Variants in ABL2 observed in about 807,000 individuals in gnomAD.
ABL2 encodes tyrosine-protein kinase ABL2.
A neutral mutation model predicts 107.7 loss-of-function variants in ABL2; 49 were observed. The observed-to-expected ratio is 0.45, with a 90% CI of 0.36 to 0.58. The LOEUF (loss-of-function observed/expected upper bound fraction) is 0.58, where lower values mean the gene tolerates loss of function less well. Ranked by LOEUF, ABL2 falls within the 20% of genes least tolerant of loss-of-function variation. The probability of loss-of-function intolerance (pLI) is 0.00; values close to 1 mark genes in which losing one functional copy is unlikely to be tolerated. For synonymous variants in ABL2, 549 were observed against 548.6 expected (o/e 1.00, Z -0.01); for missense variants, 1,245 against 1,457.0 (o/e 0.85, Z 2.37).
intron 1 of ABL2, among the ~76,000 whole-genome samples, chr1:179,187,738 A>T (rs1227358794): frequency 5.9e-5 from 9 of 152,194 alleles, no homozygotes; most frequent in Non-Finnish European, 1.3e-4. Flanking sequence ...CTAGGGAAGA[A>T]ATAATACTAA....
chr1:179,107,246 T>G lies in ABL2; in HGVS notation c.*472A>C, dbSNP rs1026887119. On this transcript the variant is annotated 3_prime_UTR_variant, in exon 12 of 12. Transcript: ENST00000502732. ...GGCTAACAGCTACTTCCAACAGCCCTGAACAAAAATTTCTCTTGGTACATT... is the reference window on the plus strand; with the variant it reads ...GGCTAACAGCTACTTCCAACAGCCCGGAACAAAAATTTCTCTTGGTACATT... 2.1e-5 allele frequency: 5 copies of G among 235,884 alleles called. No homozygotes were observed. Among genetic ancestry groups the G allele is most frequent in the African/African-American group, 1.1e-4 (5 of 45,410 alleles). The allele number at this position is 235,884 out of a possible 1,614,324, so 14.6% of individuals were successfully genotyped here. A position where few individuals can be genotyped will look rare whatever the true frequency, so the allele number is the denominator to read the frequency against.
intron 3 of ABL2, 48 bp downstream of exon 3, chr1:179,131,263 T>A (rs772890387): frequency 3.8e-6 from 6 of 1,585,830 alleles, no homozygotes; most frequent in South Asian, 1.1e-5. Flanking sequence ...TATCTCTTAA[T>A]CATTAATGAA....
chr1:179,110,606 G>A, intron 10 of ABL2, 151 bp from the exon 11 acceptor site: 1 of 1,500,698 alleles, frequency 6.7e-7, no homozygotes, highest in Non-Finnish European at 8.9e-7. Context: ...TCTTTTGTCT[G>A]GCTTCTTTCG....
intron 6 of ABL2, among the ~76,000 whole-genome samples, chr1:179,119,120 CA>C (rs1654933014): frequency 6.6e-6 from 1 of 152,190 alleles, no homozygotes; most frequent in Admixed American, 6.5e-5. Context: ...AATACTTATT[CA>C]AAAGTAATAG....
chr1:179,135,181 C>T (rs1656753572), intron 1 of ABL2, among the ~76,000 whole-genome samples: 1 of 152,196 alleles, frequency 6.6e-6, no homozygotes, highest in South Asian at 2.1e-4. Flanking sequence ...GCATCTCCGC[C>T]TGGCCGCCCA....
rs375589043 is a variant in ABL2, at chr1:179,108,656, T to C, written c.2611A>G (p.Ile871Val). The C allele has an allele frequency of 3.2e-5, 51 of 1,614,084 alleles. No individual in the cohort carries two copies. Among genetic ancestry groups the C allele is most frequent in the African/African-American group, 5.3e-5 (4 of 74,930 alleles). ...ACCCCTGGAGGGTCCTTCTCTGTAA[T>C]GGCTAGATCCCCAGAGGGTGTTCTG... Reference protein sequence around the residue: ...PLRTPSGDLAITEKDPPGVGV... With the variant: ...PLRTPSGDLAVTEKDPPGVGV... The change falls in exon 12 of 12, where the codon ATT becomes GTT. Residue 871 changes from isoleucine to valine, a missense_variant. Coordinates refer to ENST00000502732, the MANE Select transcript of ABL2 (RefSeq NM_007314.4).
At chr1:179,180,540 A>G (rs909821547) in intron 1 of ABL2, among the ~76,000 whole-genome samples, 15 of 152,306 alleles carry the variant, frequency 9.8e-5, no homozygotes, top group African/African-American at 3.6e-4. Context: ...CTAGTGGAAT[A>G]AAAAGGTCCA....
chr1:179,171,731 C>A (rs1370525133), intron 1 of ABL2, among the ~76,000 whole-genome samples: 1 of 152,156 alleles, frequency 6.6e-6, no homozygotes, highest in South Asian at 2.1e-4. Flanking sequence ...ACTCTGTTGT[C>A]CAAACCCTTT....
At chr1:179,208,301 C>T (rs1389930532) in intron 1 of ABL2, among the ~76,000 whole-genome samples, 2 of 151,978 alleles carry the variant, frequency 1.3e-5, no homozygotes, top group Admixed American at 6.6e-5. Flanking sequence ...CTTGCCCCCC[C>T]CATTCCTTCC....
chr1:179,146,926 C>T (rs1051209562), intron 1 of ABL2, among the ~76,000 whole-genome samples: 1 of 151,970 alleles, frequency 6.6e-6, no homozygotes, highest in African/African-American at 2.4e-5. Context: ...AGACAGGATA[C>T]AAATTCTCCT....
chr1:179,175,045 T>TA (rs1203395533), intron 1 of ABL2, among the ~76,000 whole-genome samples: 15 of 151,932 alleles, frequency 9.9e-5, no homozygotes, highest in Admixed American at 3.3e-4. Flanking sequence ...TTAGTTTTTT[T>TA]AAAAAAATAG....
intron 1 of ABL2, among the ~76,000 whole-genome samples, chr1:179,197,761 C>T (rs868274545): frequency 2.3e-4 from 35 of 150,448 alleles, no homozygotes; most frequent in African/African-American, 7.1e-4. Context: ...CCCAGCTAAT[C>T]GGGAGGCTAA....
At chr1:179,131,247 C>T in intron 3 of ABL2, 64 bp downstream of exon 3, 2 of 1,547,838 alleles carry the variant, frequency 1.3e-6, no homozygotes, top group South Asian at 1.2e-5. Context: ...CCTGGCCAGG[C>T]CCCTTTATCT....
intron 1 of ABL2, among the ~76,000 whole-genome samples, chr1:179,168,009 T>G (rs1380682599): frequency 6.6e-6 from 1 of 151,992 alleles, no homozygotes; most frequent in Non-Finnish European, 1.5e-5. Flanking sequence ...AACAACAAAT[T>G]AAAAGAGAAA....
At position 179,102,058 on chromosome 1, in the gene ABL2, C is replaced by A. The variant is rs1209950839; in HGVS notation, c.*5660G>T. The A allele has an allele frequency of 1.7e-5, 2 of 115,368 alleles. No homozygotes were observed. Among genetic ancestry groups the A allele is most frequent in the South Asian group, 3.2e-4 (1 of 3,172 alleles). The allele number at this position is 115,368 out of a possible 1,614,324, so 7.1% of individuals were successfully genotyped here. A position where few individuals can be genotyped will look rare whatever the true frequency, so the allele number is the denominator to read the frequency against. Reference sequence around the variant, plus strand: ...AGACGGAGTCTCACTGTCACCCAGGCTGGAGTGCAGTGGCGCGATCTGGGC... The same window carrying A: ...AGACGGAGTCTCACTGTCACCCAGGATGGAGTGCAGTGGCGCGATCTGGGC... On this transcript the variant is annotated 3_prime_UTR_variant, in exon 12 of 12. Coordinates refer to ENST00000502732, the MANE Select transcript of ABL2 (RefSeq NM_007314.4).
At chr1:179,114,791 A>G (rs1654459582) in intron 9 of ABL2, 87 bp downstream of exon 9, 1 of 1,365,894 alleles carries the variant, frequency 7.3e-7, no homozygotes, top group South Asian at 1.7e-5. Context: ...ATCTAACAAC[A>G]CTGAGAGGAG....
chr1:179,102,503 G>A lies in ABL2; in HGVS notation c.*5215C>T. ...AGCTAAGACAGAGACACAAACCGCT[G>A]AAGCCTATCAATACTTAAGCCAGAG... On this transcript the variant is annotated 3_prime_UTR_variant, in exon 12 of 12. Transcript: ENST00000502732. The A allele has an allele frequency of 4.4e-6, 1 of 227,122 alleles. No homozygotes were observed. 14.1% of individuals were successfully genotyped at this position (227,122 alleles called of 1,614,324 possible). A position where few individuals can be genotyped will look rare whatever the true frequency, so the allele number is the denominator to read the frequency against.
intron 1 of ABL2, among the ~76,000 whole-genome samples, chr1:179,139,301 G>A (rs1396927366): frequency 3.3e-5 from 5 of 151,554 alleles, no homozygotes; most frequent in Non-Finnish European, 5.9e-5. Context: ...AACTCCAAAC[G>A]CGCTACCTTA....
intron 1 of ABL2, among the ~76,000 whole-genome samples, chr1:179,158,465 G>A (rs1310855358): frequency 1.3e-5 from 2 of 152,162 alleles, no homozygotes; most frequent in African/African-American, 4.8e-5. Context: ...TTGGAATTCT[G>A]CCTCCTGGTT....
Sources: gnomAD v4.1 joint callset for allele counts (sites outside exome capture counted in the v4.1 genomes callset) on GRCh38, gnomAD v4.1.1 for gene constraint, MANE v1.5 for transcripts, NCBI Gene and HGNC (gene_info 2026-07-23, HGNC 2026-07-21) for gene names.